Variants in ZNF777 observed in about 807,000 individuals in gnomAD.
ZNF777 encodes zinc finger protein 777.
In ZNF777, 7 loss-of-function variants were observed where a neutral mutation model predicts 72.1. That is an observed-to-expected ratio of 0.10 (90% confidence interval 0.06 to 0.18). The LOEUF (loss-of-function observed/expected upper bound fraction) is 0.18, where lower values mean the gene tolerates loss of function less well. Ranked by LOEUF, ZNF777 falls within the 10% of genes least tolerant of loss-of-function variation. ZNF777 has a pLI of 1.00. For synonymous variants in ZNF777, 545 were observed against 483.5 expected (o/e 1.13, Z -1.67); for missense variants, 828 against 1,128.6 (o/e 0.73, Z 3.82).
chr7:149,432,466 G>C lies in ZNF777; in HGVS notation c.1806C>G (p.Cys602Trp), dbSNP rs944106020. ...HQRIHRVRGG[C>W]VSPERGPTFN... ...ACGTGGGCCCGCGTTCGGGTGAGAC[G>C]CAGCCTCCGCGCACGCGGTGGATGC... The change falls in exon 6 of 6, where the codon TGC becomes TGG. Residue 602 changes from cysteine (C) to tryptophan (W), a missense_variant. By Grantham distance (215) the Cys-to-Trp change is radical. Coordinates refer to ENST00000247930, the MANE Select transcript of ZNF777 (RefSeq NM_015694.3). 1 of 1,613,466 alleles carries C rather than the reference G, an allele frequency of 6.2e-7. No homozygotes were observed. Among genetic ancestry groups the C allele is most frequent in the Non-Finnish European group, 8.5e-7 (1 of 1,179,878 alleles).
At chr7:149,447,128 TA>T (rs903417637) in intron 4 of ZNF777, among the ~76,000 whole-genome samples, 1 of 152,116 alleles carries the variant, frequency 6.6e-6, no homozygotes, top group African/African-American at 2.4e-5. Context: ...CCTTGGAAGC[TA>T]AAAAATACTA....
intron 3 of ZNF777, among the ~76,000 whole-genome samples, chr7:149,452,761 T>C (rs1478497729): frequency 6.6e-6 from 1 of 152,202 alleles, no homozygotes; most frequent in East Asian, 1.9e-4. Context: ...TCACACACCC[T>C]TGCAGAAATA....
Position 149,432,736 on chromosome 7 carries a change from T to G in ZNF777, c.1536A>C (p.Ala512=). Residue 512 remains alanine, a synonymous_variant, in exon 6 of 6, where the codon GCA becomes GCC. Transcript: ENST00000247930. ...SPPPLQLGNP[A]VKRLAPSVHG... The stretch of plus-strand genomic sequence containing the variant: ...GCACGGAGGGCGCCAGCCTTTTCAC[T>G]GCGGGGTTTCCTAGCTGCAGGGGCG... 6.2e-7 allele frequency: 1 copy of G among 1,611,784 alleles called. No homozygotes were observed. Among genetic ancestry groups the G allele is most frequent in the Non-Finnish European group, 8.5e-7 (1 of 1,178,448 alleles).
In ZNF777 at chr7:149,432,283, G is replaced by T; in HGVS notation, c.1989C>A (p.Pro663=). The change falls in exon 6 of 6, where the codon CCC becomes CCA. Residue 663 remains proline, a synonymous_variant. Coordinates refer to ENST00000247930, the MANE Select transcript of ZNF777 (RefSeq NM_015694.3). ...TCTTCTTGCACTCGGGGCACGTGTA[G>T]GGCCGCTCACCCGTGTGCGTGATCT... ...KHQITHTGER[P]YTCPECKKSF... The T allele has an allele frequency of 1.2e-6, 2 of 1,610,294 alleles. No homozygotes were observed. The highest frequency in any genetic ancestry group is 2.2e-5 in the East Asian group (1 of 44,838).
chr7:149,451,299 G>A (rs1799712716), intron 3 of ZNF777, among the ~76,000 whole-genome samples, 187 bp from the exon 4 acceptor site: 3 of 152,058 alleles, frequency 2.0e-5, no homozygotes, highest in South Asian at 4.1e-4. Flanking sequence ...GTGTGTGTGT[G>A]TGGCGGGGGG....
At chr7:149,459,622 T>C in intron 1 of ZNF777, 1 of 984,826 alleles carries the variant, frequency 1.0e-6, no homozygotes, top group Non-Finnish European at 1.2e-6. Context: ...TGGGCAGGCC[T>C]TTCTGGGGCT....
rs1196200014 is a variant in ZNF777, at chr7:149,455,662, A to G, written c.361T>C (p.Ser121Pro). The G allele has an allele frequency of 2.0e-6, 3 of 1,523,004 alleles. No homozygotes were observed. The highest frequency in any genetic ancestry group is 3.1e-5 in the African/African-American group (2 of 65,108). 94.3% of individuals were successfully genotyped at this position (1,523,004 alleles called of 1,614,324 possible). ...AEQEVSLLSH[S>P]PHHQEAPVHS... The stretch of plus-strand genomic sequence containing the variant: ...ACGGGGGCTTCCTGGTGGTGGGGGG[A>G]GTGGGAGAGAAGGGAGACTTCTTGT... The change falls in exon 2 of 6, where the codon TCC becomes CCC. Residue 121 changes from serine to proline, a missense_variant. Ser to Pro is a moderately conservative substitution (Grantham distance 74, BLOSUM62 -1). Transcript: ENST00000247930. This position sits in a 1 kb window ranked among gnomAD's most constrained non-coding sequence, Gnocchi z 4.2.
At chr7:149,450,617 C>T (rs1009604361) in intron 4 of ZNF777, among the ~76,000 whole-genome samples, 2 of 152,174 alleles carry the variant, frequency 1.3e-5, no homozygotes, top group African/African-American at 4.8e-5. Flanking sequence ...CCATGCCTGC[C>T]CCTTATCCCT....
intron 1 of ZNF777, 35 bp from the exon 2 acceptor site, chr7:149,456,072 G>A: frequency 1.3e-6 from 2 of 1,513,302 alleles, no homozygotes; most frequent in East Asian, 2.3e-5. Context: ...GAGGATTAAA[G>A]GCCACAGTCT....
chr7:149,455,910 A>G lies in ZNF777; in HGVS notation c.113T>C (p.Leu38Pro). ...CAAAGAAGGAATTTCTTTGGGAGGA[A>G]GAACGCGGGATTGGAACAGAGTTTC... is the stretch of plus-strand genomic sequence containing the variant. The part of the protein sequence containing the change: ...PRETLFQSRV[L>P]PPKEIPSLSP... The change falls in exon 2 of 6, where the codon CTT (leucine) becomes CCT (proline). Residue 38 changes from leucine (L) to proline (P), a missense_variant. Around this residue, in one of 12 missense-constraint regions of ZNF777, gnomAD observed 222 missense variants for 211.2 expected, o/e 1.05. Transcript: ENST00000247930. This position sits in a 1 kb window ranked among gnomAD's most constrained non-coding sequence, Gnocchi z 4.2. The G allele has an allele frequency of 3.1e-6, 5 of 1,613,394 alleles. No individual in the cohort carries two copies. In the South Asian group the frequency reaches 5.5e-5, roughly 18 times the overall value.
Position 149,432,425 on chromosome 7 carries a change from G to A in ZNF777, c.1847C>T (p.Ala616Val), listed in dbSNP as rs552895043. 1.6e-5 allele frequency: 26 copies of A among 1,613,228 alleles called. No individual in the cohort carries two copies. Among genetic ancestry groups the A allele is most frequent in the South Asian group, 3.3e-5 (3 of 91,080 alleles). The change falls in exon 6 of 6, where the codon GCG (alanine) becomes GTG (valine). Residue 616 changes from alanine (A) to valine (V), a missense_variant. By Grantham distance (64) the Ala-to-Val change is moderately conservative. Transcript: ENST00000247930. ...ERGPTFNPKHALKPRPKSPSS... is the reference protein window; with the variant it reads ...ERGPTFNPKHVLKPRPKSPSS... ...GGGTGACTTGGGACGCGGCTTGAGC[G>A]CGTGCTTGGGGTTGAACGTGGGCCC... is the stretch of plus-strand genomic sequence containing the variant.
intron 5 of ZNF777, among the ~76,000 whole-genome samples, chr7:149,435,829 CA>C (rs1799401259): frequency 6.6e-6 from 1 of 151,934 alleles, no homozygotes; most frequent in African/African-American, 2.4e-5. Flanking sequence ...ATACTGTTTC[CA>C]AAATTAGATG....
At position 149,455,966 on chromosome 7, in the gene ZNF777, G is replaced by T. The variant is rs73166027; in HGVS notation, c.57C>A (p.Thr19=). ...GGAGTCCAGCAGGGGCCTGACGTAA[G>T]GTTTCTTCTTGTGGAACACTGGGGA... ...LSFPSVPQEE[T]LRQAPAGLPR... is the part of the protein sequence containing the mutation. The change falls in exon 2 of 6, where the codon ACC becomes ACA. Residue 19 remains threonine, a synonymous_variant. Coordinates refer to ENST00000247930, the MANE Select transcript of ZNF777 (RefSeq NM_015694.3). This position sits in a 1 kb window ranked among gnomAD's most constrained non-coding sequence, Gnocchi z 4.2. 1 of 1,611,422 alleles carries T rather than the reference G, an allele frequency of 6.2e-7. No individual in the cohort carries two copies. The highest frequency in any genetic ancestry group is 8.5e-7 in the Non-Finnish European group (1 of 1,178,864).
At chr7:149,443,430 T>A (rs1007600999) in intron 4 of ZNF777, among the ~76,000 whole-genome samples, 19 of 152,184 alleles carry the variant, frequency 1.2e-4, no homozygotes, top group African/African-American at 4.6e-4. Context: ...GGACTTTCAC[T>A]CTCTCTGTAC....
In ZNF777 at chr7:149,454,209, A is replaced by G. The variant is rs1389759901; in HGVS notation, c.875T>C (p.Val292Ala). ...TCCCCACTCCTGCTCCGAGAAGTGCACAGCAACATCATCAAATGTGACAGG... is the reference window on the plus strand; with the variant it reads ...TCCCCACTCCTGCTCCGAGAAGTGCGCAGCAACATCATCAAATGTGACAGG... ...KVPVTFDDVAVHFSEQEWGNL... is the reference protein window; with the variant it reads ...KVPVTFDDVAAHFSEQEWGNL... The change falls in exon 3 of 6, where the codon GTG (valine) becomes GCG (alanine). Residue 292 changes from valine to alanine, a missense_variant. By Grantham distance (64) the Val-to-Ala change is moderately conservative. Around this residue, in one of 12 missense-constraint regions of ZNF777, gnomAD observed 76 missense variants for 157.3 expected, o/e 0.48. Transcript: ENST00000247930. 6.2e-7 allele frequency: 1 copy of G among 1,614,054 alleles called. No individual in the cohort carries two copies. Among genetic ancestry groups the G allele is most frequent in the African/African-American group, 1.3e-5 (1 of 74,922 alleles).
At chr7:149,459,935 C>G in intron 1 of ZNF777, 1 of 933,418 alleles carries the variant, frequency 1.1e-6, no homozygotes, top group Non-Finnish European at 1.3e-6. Flanking sequence ...CGGCGAGGCC[C>G]GTAGCCCTCC....
intron 1 of ZNF777, among the ~76,000 whole-genome samples, chr7:149,456,666 C>A (rs949285621): frequency 6.6e-6 from 1 of 152,210 alleles, no homozygotes; most frequent in Non-Finnish European, 1.5e-5. Flanking sequence ...CTTCTACCAG[C>A]ATTAGGCCTT....
chr7:149,447,758 C>T (rs1013359326), intron 4 of ZNF777, among the ~76,000 whole-genome samples: 3 of 152,206 alleles, frequency 2.0e-5, no homozygotes, highest in African/African-American at 7.2e-5. Flanking sequence ...CTCCAAGAGG[C>T]CTTTCTGACT....
At chr7:149,452,067 C>T (rs1411477382) in intron 3 of ZNF777, among the ~76,000 whole-genome samples, 2 of 151,450 alleles carry the variant, frequency 1.3e-5, no homozygotes, top group African/African-American at 4.9e-5. Context: ...AGATCGAGAC[C>T]ATCCTGGCTA....
Sources: allele counts gnomAD v4.1 joint callset (sites outside exome capture counted in the v4.1 genomes callset), GRCh38; gene constraint gnomAD v4.1.1; regional missense constraint gnomAD v4.1.1; non-coding constraint Gnocchi (gnomAD v3.1); transcripts MANE v1.5; gene names NCBI Gene and HGNC (gene_info 2026-07-23, HGNC 2026-07-21).